Variants in PRKG1 observed in about 807,000 individuals in gnomAD.
PRKG1 encodes the protein cGMP-dependent protein kinase 1.
PRKG1 carries 35 observed loss-of-function variants against 88.1 expected under a neutral mutation model. That is an observed-to-expected ratio of 0.40 (90% CI 0.30 to 0.53). The LOEUF (loss-of-function observed/expected upper bound fraction) is 0.53, where lower values mean the gene tolerates loss of function less well. PRKG1 is among the 20% of genes least tolerant of loss of function. The pLI, the probability that PRKG1 is intolerant of heterozygous loss-of-function variation, is 0.59. For synonymous variants in PRKG1, 303 were observed against 292.5 expected, an observed-to-expected ratio of 1.04 and a Z score of -0.37; for missense variants, 540 against 839.8, an observed-to-expected ratio of 0.64 and a Z score of 4.41.
intron 7 of PRKG1, among the ~76,000 whole-genome samples, chr10:52,106,013 T>A (rs1847412751): frequency 6.6e-6 from 1 of 152,182 alleles, no homozygotes; most frequent in African/African-American, 2.4e-5. Context: ...ATTGTATCCT[T>A]CTTATGCCTT....
chr10:51,372,656 C>T (rs1414234518), intron 2 of PRKG1, among the ~76,000 whole-genome samples: 1 of 152,130 alleles, frequency 6.6e-6, no homozygotes, highest in Non-Finnish European at 1.5e-5. Flanking sequence ...CTCTTCTCTT[C>T]CTGAAGCTTT....
chr10:52,113,849 A>G (rs1022357911), intron 7 of PRKG1, among the ~76,000 whole-genome samples: 15 of 152,174 alleles, frequency 9.9e-5, no homozygotes, highest in African/African-American at 3.1e-4. Context: ...TTATTAAGCT[A>G]CAAATTGTAT....
chr10:51,623,821 G>T lies in PRKG1; in HGVS notation c.592+155985G>T, dbSNP rs539032468. On this transcript the variant is annotated intron_variant, in intron 3 of 17. Coordinates refer to ENST00000373980, the MANE Select transcript of PRKG1 (RefSeq NM_006258.4). ...CTGTGGACTTGACCCTTATCCTCAC[G>T]CCCTGAAGCTGGTGATCACTCTGAC... Among the ~76,000 whole-genome samples, 5 of 152,054 alleles carry T rather than the reference G, an allele frequency of 3.3e-5. No individual in the cohort carries two copies. The South Asian group carries it at 1.0e-3, about 32-fold the overall frequency.
intron 1 of PRKG1, among the ~76,000 whole-genome samples, chr10:51,041,653 C>T (rs928729392): frequency 2.0e-5 from 3 of 152,252 alleles, no homozygotes; most frequent in South Asian, 2.1e-4. Context: ...CCCCAGGACT[C>T]TACCTGGTGT....
At position 51,562,050 on chromosome 10, in the gene PRKG1, C is replaced by A. The variant is rs115056022; in HGVS notation, c.592+94214C>A. Among the ~76,000 whole-genome samples, 505 of 151,854 alleles carry A rather than the reference C, an allele frequency of 3.3e-3. 4 individuals are homozygous for A. The highest frequency in any genetic ancestry group is 0.012 in the African/African-American group (487 of 41,440). On this transcript the variant is annotated intron_variant, in intron 3 of 17. Transcript: ENST00000373980. ...CCAGCCTGGCCAACATGACGAAAAC[C>A]CCATCTTTACTAAAAACACAAAAAT...
chr10:51,974,085 C>A (rs749668206), intron 5 of PRKG1, among the ~76,000 whole-genome samples: 48 of 152,008 alleles, frequency 3.2e-4, no homozygotes, highest in Non-Finnish European at 1.0e-4. Flanking sequence ...TGACTGAGAC[C>A]CCATGGCCTG....
In PRKG1 at chr10:51,627,834, C is replaced by CCTT. The variant is rs1839374959; in HGVS notation, c.592+159998_592+159999insCTT. On this transcript the variant is annotated intron_variant, in intron 3 of 17. Transcript: ENST00000373980. ...GGTAGCTGAAAGTCACAATCTTCCT[C>CCTT]TCCTTTCCTTTCCTTTCCTTTCTCC... Among the ~76,000 whole-genome samples, 28 of 141,562 alleles carry CCTT rather than the reference C, an allele frequency of 2.0e-4. No individual in the cohort carries two copies. The South Asian group carries it at 6.0e-3, about 30-fold the overall frequency. The allele number at this position is 141,562 out of a possible 152,430, so 92.9% of individuals were successfully genotyped here.
chr10:51,694,043 T>C (rs543958428), intron 3 of PRKG1, among the ~76,000 whole-genome samples: 6 of 152,310 alleles, frequency 3.9e-5, no homozygotes, highest in Admixed American at 1.3e-4. Flanking sequence ...GTCCGTAATA[T>C]GAATTAGTTC....
At chr10:51,868,881 A>G (rs1194140787) in intron 4 of PRKG1, among the ~76,000 whole-genome samples, 1 of 152,172 alleles carries the variant, frequency 6.6e-6, no homozygotes, top group Non-Finnish European at 1.5e-5. Context: ...TTCTGTTATA[A>G]TGAGTGCATA....
chr10:52,077,330 A>G (rs1846654373), intron 7 of PRKG1, among the ~76,000 whole-genome samples: 1 of 152,094 alleles, frequency 6.6e-6, no homozygotes, highest in African/African-American at 2.4e-5. Context: ...CAGATTAAAA[A>G]AAGTACATGC....
At chr10:52,184,877 C>T (rs1839148119) in intron 9 of PRKG1, 1 of 152,174 alleles carries the variant, frequency 6.6e-6, no homozygotes, top group Admixed American at 6.5e-5. Context: ...ACTCACTTAT[C>T]ACGAAGAGGA....
chr10:51,809,019 T>A (rs1279099211), intron 4 of PRKG1, among the ~76,000 whole-genome samples: 5 of 152,076 alleles, frequency 3.3e-5, no homozygotes, highest in African/African-American at 1.2e-4. Flanking sequence ...ACACGTAAGT[T>A]TGGAGGAGGA....
intron 1 of PRKG1, among the ~76,000 whole-genome samples, chr10:51,105,352 T>C (rs1308043928): frequency 6.6e-6 from 1 of 152,238 alleles, no homozygotes; most frequent in Non-Finnish European, 1.5e-5. Flanking sequence ...TTATACAGTG[T>C]AATTTTAAAA....
At chr10:51,789,924 C>A (rs1838824228) in intron 3 of PRKG1, among the ~76,000 whole-genome samples, 2 of 151,988 alleles carry the variant, frequency 1.3e-5, no homozygotes, top group South Asian at 2.1e-4. Flanking sequence ...TGGGTTCAAG[C>A]AATTCTTCTG....
chr10:51,363,229 A>C (rs922918784), intron 2 of PRKG1, among the ~76,000 whole-genome samples: 24 of 151,994 alleles, frequency 1.6e-4, no homozygotes, highest in African/African-American at 3.1e-4. Flanking sequence ...AAAAAAAAAA[A>C]AATTCTCGCA....
chr10:51,825,812 G>A (rs1320461301), intron 4 of PRKG1, among the ~76,000 whole-genome samples: 1 of 152,168 alleles, frequency 6.6e-6, no homozygotes, highest in Non-Finnish European at 1.5e-5. Flanking sequence ...GAGGGAACTG[G>A]AGACAAGGGC....
At chr10:51,285,462 T>G (rs1424396018) in intron 2 of PRKG1, among the ~76,000 whole-genome samples, 1 of 152,200 alleles carries the variant, frequency 6.6e-6, no homozygotes, top group African/African-American at 2.4e-5. Flanking sequence ...CAATATTTTA[T>G]TCAGGACCTT....
At chr10:52,201,580 G>A (rs1839669462) in intron 9 of PRKG1, among the ~76,000 whole-genome samples, 1 of 151,946 alleles carries the variant, frequency 6.6e-6, no homozygotes, top group South Asian at 2.1e-4. Flanking sequence ...TTTTCCTAAT[G>A]CTGTGAAGAA....
At chr10:51,069,504 T>TGCCTTTGATAA (rs1736588398), upstream of PRKG1, among the ~76,000 whole-genome samples, 2 of 152,018 alleles carry the variant, frequency 1.3e-5, no homozygotes, top group South Asian at 4.1e-4. Flanking sequence ...ATCCTTGAAT[T>TGCCTTTGATAA]ATTGTCTAAT....
Sources: allele counts gnomAD v4.1 joint callset (sites outside exome capture counted in the v4.1 genomes callset), GRCh38; gene constraint gnomAD v4.1.1; transcripts MANE v1.5; gene names NCBI Gene and HGNC (gene_info 2026-07-23, HGNC 2026-07-21).